The following ZNF518A variants were observed in gnomAD, a reference collection of about 807,000 sequenced individuals.
ZNF518A encodes zinc finger protein 518A.
ZNF518A carries 47 observed loss-of-function variants against 102.7 expected under a neutral mutation model. The observed-to-expected ratio is 0.46, with a 90% CI of 0.36 to 0.58. The LOEUF is 0.58. Among genes scored for constraint, ZNF518A ranks in the 20% least tolerant of loss-of-function variants. The pLI, the probability that ZNF518A is intolerant of heterozygous loss-of-function variation, is 0.00. For synonymous variants in ZNF518A, 652 were observed against 594.6 expected (o/e 1.10, Z -1.40); for missense variants, 1,793 against 1,699.8 (o/e 1.05, Z -0.96).
chr10:96,150,518 T>C (rs2082384522), intron 3 of ZNF518A, among the ~76,000 whole-genome samples: 1 of 149,270 alleles, frequency 6.7e-6, no homozygotes, highest in African/African-American at 2.4e-5. Context: ...TTGGAGAGCG[T>C]TTGATTTTAA....
Position 96,193,837 on chromosome 10 carries a change from C to T in ZNF518A, n.36-9737C>T, listed in dbSNP as rs587654801. On this transcript the variant is annotated intron_variant and non_coding_transcript_variant, in intron 1 of 2. Transcript: ENST00000442635. ...CTAGCCATGTACACACAAATACACA[C>T]AGACTTTCAGAAAAACTCCACATGA... 2.0e-5 allele frequency among the ~76,000 whole-genome samples: 3 copies of T among 152,298 alleles called. No homozygotes were observed. In the South Asian group the frequency reaches 6.2e-4, roughly 32 times the overall value.
Position 96,156,542 on chromosome 10 carries a change from T to G in ZNF518A, c.220T>G (p.Phe74Val). The G allele has an allele frequency of 6.2e-7, 1 of 1,612,338 alleles. No homozygotes were observed. The change falls in exon 6 of 6, where the codon TTT becomes GTT. Residue 74 changes from phenylalanine (F) to valine (V), a missense_variant. This residue lies in a region of ZNF518A where 1,741 missense variants were observed against 1,622.6 expected (regional missense o/e 1.07). Coordinates refer to ENST00000316045, the MANE Select transcript of ZNF518A (RefSeq NM_001330736.2). ...TGAAGTTGACAAATACAGAAAATTA[T>G]TTCAGAGTAAACAGCAGACTGCAAG... Reference protein sequence around the residue: ...KHEVDKYRKLFQSKQQTARKS... With the variant: ...KHEVDKYRKLVQSKQQTARKS...
At chr10:96,142,982 A>G (rs1554877137) in intron 3 of ZNF518A, among the ~76,000 whole-genome samples, 2 of 151,816 alleles carry the variant, frequency 1.3e-5, no homozygotes, top group Non-Finnish European at 2.9e-5. Context: ...AACTTTTTGT[A>G]TTTTTAGTAC....
intron 1 of ZNF518A, among the ~76,000 whole-genome samples, chr10:96,173,431 A>G (rs192699028): frequency 6.6e-6 from 1 of 152,296 alleles, no homozygotes. Flanking sequence ...AAATGGAAAA[A>G]CATGTTGTCT....
chr10:96,143,513 G>A (rs2082035988), intron 3 of ZNF518A, among the ~76,000 whole-genome samples: 1 of 152,126 alleles, frequency 6.6e-6, no homozygotes, highest in African/African-American at 2.4e-5. Flanking sequence ...TCTTTAAAGG[G>A]TCCTCACAAA....
downstream of ZNF518A, among the ~76,000 whole-genome samples, chr10:96,168,574 A>G (rs932566410): frequency 4.6e-5 from 7 of 151,964 alleles, no homozygotes; most frequent in Non-Finnish European, 1.0e-4. Context: ...ATCTATGAAT[A>G]TCTTAATTTT....
At chr10:96,152,298 G>A (rs1447772476) in intron 3 of ZNF518A, among the ~76,000 whole-genome samples, 5 of 152,208 alleles carry the variant, frequency 3.3e-5, no homozygotes, top group South Asian at 2.1e-4. Flanking sequence ...GGGCGACAGC[G>A]AGACCCTGTC....
At chr10:96,204,420 G>A (rs782700233), downstream of ZNF518A, 345 of 1,225,314 alleles carry the variant, frequency 2.8e-4, no homozygotes, top group Non-Finnish European at 3.8e-4. Context: ...ACAATGAAAT[G>A]TTGGATTTTT....
chr10:96,186,210 C>T (rs1296522205), intron 1 of ZNF518A, among the ~76,000 whole-genome samples: 2 of 152,160 alleles, frequency 1.3e-5, no homozygotes, highest in East Asian at 1.9e-4. Context: ...TGCTTTGGCT[C>T]GCCCTCCATG....
At chr10:96,192,280 T>G (rs2083346545) in intron 1 of ZNF518A, among the ~76,000 whole-genome samples, 1 of 152,152 alleles carries the variant, frequency 6.6e-6, no homozygotes, top group African/African-American at 2.4e-5. Context: ...TTTGCTGTAT[T>G]AAGTACGAAG....
chr10:96,197,275 C>T (rs1365324864), intron 1 of ZNF518A, among the ~76,000 whole-genome samples: 9 of 151,866 alleles, frequency 5.9e-5, no homozygotes, highest in African/African-American at 2.2e-4. Context: ...TGAGTGAGAT[C>T]AATGCTTGCC....
intron 3 of ZNF518A, among the ~76,000 whole-genome samples, chr10:96,141,063 C>G (rs2081899484): frequency 6.6e-6 from 1 of 152,084 alleles, no homozygotes; most frequent in Admixed American, 6.5e-5. Flanking sequence ...GTGATTTAAT[C>G]TAAAATCATA....
At position 96,162,863 on chromosome 10, in the gene ZNF518A, T is replaced by A. The variant is rs1468179930; in HGVS notation, c.*2089T>A. 3 of 166,992 alleles carry A rather than the reference T, an allele frequency of 1.8e-5. No homozygotes were observed. Among genetic ancestry groups the A allele is most frequent in the African/African-American group, 7.2e-5 (3 of 41,460 alleles). The allele number at this position is 166,992 out of a possible 1,614,324, so 10.3% of individuals were successfully genotyped here. The stretch of plus-strand genomic sequence containing the variant: ...AGATAGATAAAAGTGTGGGATTTTT[T>A]TTCTTCCCAAAATCATAGATGATAT... On this transcript the variant is annotated 3_prime_UTR_variant, in exon 6 of 6. Transcript: ENST00000316045.
chr10:96,155,775 A>G (rs1235263580), intron 4 of ZNF518A, 149 bp from the exon 5 acceptor site: 1 of 152,238 alleles, frequency 6.6e-6, no homozygotes, highest in African/African-American at 2.4e-5. Context: ...CAAATGAAAA[A>G]GTTAATAGTA....
intron 1 of ZNF518A, among the ~76,000 whole-genome samples, chr10:96,186,256 G>A (rs1487740839): frequency 6.6e-6 from 1 of 152,182 alleles, no homozygotes; most frequent in African/African-American, 2.4e-5. Context: ...AGATGAACCA[G>A]GTACCTCAAT....
Position 96,159,409 on chromosome 10 carries a change from C to T in ZNF518A, c.3087C>T (p.Ser1029=), listed in dbSNP as rs782067700. ...NNNCLTPGLC[S]SIGSCLSMKS... The stretch of plus-strand genomic sequence containing the variant: ...ATTGTCTTACACCTGGACTTTGTTC[C>T]AGCATTGGCAGTTGTTTGAGCATGA... The change falls in exon 6 of 6, where the codon TCC becomes TCT. Residue 1029 remains serine (S), a synonymous_variant. Transcript: ENST00000316045. The T allele has an allele frequency of 4.3e-6, 7 of 1,613,790 alleles. No homozygotes were observed. In the Admixed American group the frequency reaches 1.0e-4, roughly 23 times the overall value.
At chr10:96,169,024 C>G (rs2083158863) in intron 1 of ZNF518A, among the ~76,000 whole-genome samples, 1 of 152,000 alleles carries the variant, frequency 6.6e-6, no homozygotes, top group Non-Finnish European at 1.5e-5. Flanking sequence ...GGTATTATTA[C>G]TAACTTATCT....
chr10:96,199,664 C>A, intron 1 of ZNF518A: 1 of 384,704 alleles, frequency 2.6e-6, no homozygotes, highest in Admixed American at 2.9e-5. Context: ...ATTTAATTAG[C>A]ATATCATAAG....
Position 96,197,061 on chromosome 10 carries a change from A to C in ZNF518A, n.36-6513A>C, listed in dbSNP as rs782205113. On this transcript the variant is annotated intron_variant and non_coding_transcript_variant, in intron 1 of 2. Transcript: ENST00000442635. ...AGCTTTTCCGAATAAGAAATGATCC[A>C]TCCTGTTTAATTTTTTTTAAAAAAC... 2.4e-5 allele frequency: 39 copies of C among 1,610,460 alleles called. No individual in the cohort carries two copies. The highest frequency in any genetic ancestry group is 3.0e-5 in the Non-Finnish European group (35 of 1,178,448).
Sources: gnomAD v4.1 joint callset for allele counts (sites outside exome capture counted in the v4.1 genomes callset) on GRCh38, gnomAD v4.1.1 for gene constraint, gnomAD v4.1.1 regional missense constraint, MANE v1.5 for transcripts, NCBI Gene and HGNC (gene_info 2026-07-23, HGNC 2026-07-21) for gene names.